SPMIP2: variants seen among roughly 807,000 people sequenced by gnomAD.
SPMIP2 encodes sperm microtubule inner protein 2.
At chr4:158,981,444 G>C in the SPMIP2 span, among the ~76,000 whole-genome samples, 1 of 152,032 alleles carries the variant, frequency 6.6e-6, no homozygotes, top group Admixed American at 6.6e-5. Context: ...AAATGTTAAG[G>C]GCAGCCAGAG....
chr4:159,051,935 C>CCCCT, the SPMIP2 span, among the ~76,000 whole-genome samples: 1 of 152,056 alleles, frequency 6.6e-6, no homozygotes, highest in African/African-American at 2.4e-5. Flanking sequence ...CAGGCATCTC[C>CCCCT]CCCTCCTTCC....
the SPMIP2 span, among the ~76,000 whole-genome samples, chr4:159,055,055 T>A: frequency 1.2e-4 from 19 of 152,206 alleles, no homozygotes; most frequent in Non-Finnish European, 2.6e-4. Context: ...AGACGTCCTT[T>A]AAAGCCATCA....
At chr4:158,975,991 G>A in the SPMIP2 span, among the ~76,000 whole-genome samples, 1 of 152,122 alleles carries the variant, frequency 6.6e-6, no homozygotes, top group African/African-American at 2.4e-5. Context: ...GTGGTTTGTA[G>A]TTCTCCTTGA....
the SPMIP2 span, among the ~76,000 whole-genome samples, chr4:159,056,196 C>T: frequency 6.6e-6 from 1 of 152,336 alleles, no homozygotes; most frequent in Admixed American, 6.5e-5. Context: ...TAGTCTTGGA[C>T]CCCTGACTTT....
At chr4:159,029,186 C>A in the SPMIP2 span, among the ~76,000 whole-genome samples, 1 of 152,170 alleles carries the variant, frequency 6.6e-6, no homozygotes, top group Non-Finnish European at 1.5e-5. Context: ...GGAAGAATAG[C>A]CAGCAGATAA....
chr4:159,000,556 G>A, the SPMIP2 span, among the ~76,000 whole-genome samples: 4 of 145,908 alleles, frequency 2.7e-5, no homozygotes, highest in African/African-American at 1.0e-4. Flanking sequence ...GTGCACTGGT[G>A]CAATCTCCGC....
At chr4:159,028,956 G>A in the SPMIP2 span, among the ~76,000 whole-genome samples, 4 of 152,168 alleles carry the variant, frequency 2.6e-5, no homozygotes, top group African/African-American at 7.2e-5. Context: ...TAAGCTGGGC[G>A]TGGTGGCGCA....
chr4:159,061,938 C>T, the SPMIP2 span, among the ~76,000 whole-genome samples: 8 of 152,034 alleles, frequency 5.3e-5, no homozygotes, highest in South Asian at 2.1e-4. Flanking sequence ...TGAGTGATAG[C>T]GTGAGCACCA....
the SPMIP2 span, among the ~76,000 whole-genome samples, chr4:159,036,488 G>A: frequency 6.6e-6 from 1 of 152,200 alleles, no homozygotes; most frequent in African/African-American, 2.4e-5. Flanking sequence ...TCAAGGCTGT[G>A]TTGAGCCCTT....
At chr4:159,024,783 A>G in the SPMIP2 span, among the ~76,000 whole-genome samples, 1 of 152,234 alleles carries the variant, frequency 6.6e-6, no homozygotes, top group Non-Finnish European at 1.5e-5. Context: ...CAGGTTTACA[A>G]GAAAATCCAA....
the SPMIP2 span, among the ~76,000 whole-genome samples, chr4:159,038,968 CTTAT>C: frequency 6.6e-6 from 1 of 152,038 alleles, no homozygotes; most frequent in Non-Finnish European, 1.5e-5. Flanking sequence ...GTTTTATAGT[CTTAT>C]TTATTTATTT....
At chr4:158,912,578 A>AT in the SPMIP2 span, among the ~76,000 whole-genome samples, 1 of 152,198 alleles carries the variant, frequency 6.6e-6, no homozygotes, top group Non-Finnish European at 1.5e-5. Flanking sequence ...ACTGGGGGCT[A>AT]TGTGTGAGGC....
the SPMIP2 span, among the ~76,000 whole-genome samples, chr4:159,070,183 G>A: frequency 6.6e-6 from 1 of 151,964 alleles, no homozygotes; most frequent in Non-Finnish European, 1.5e-5. Context: ...AAAACTGTAA[G>A]AGAAAAAATC....
the SPMIP2 span, among the ~76,000 whole-genome samples, chr4:158,954,358 TCTC>T: frequency 1 from 152,232 of 152,244 alleles, 76,110 homozygotes; most frequent in Middle Eastern, 1. Flanking sequence ...AGAAGTGCCT[TCTC>T]CTCCTCCCAC....
the SPMIP2 span, among the ~76,000 whole-genome samples, chr4:158,898,196 T>C: frequency 6.6e-6 from 1 of 152,202 alleles, no homozygotes. Context: ...CATTGGTCTG[T>C]ATATCTGTTT....
chr4:158,966,812 C>T, the SPMIP2 span, among the ~76,000 whole-genome samples: 4 of 151,936 alleles, frequency 2.6e-5, no homozygotes, highest in African/African-American at 9.7e-5. Flanking sequence ...TTCCTTTTTT[C>T]CCCTAAATTT....
the SPMIP2 span, among the ~76,000 whole-genome samples, chr4:159,063,741 A>G: frequency 1.3e-5 from 2 of 152,124 alleles, no homozygotes; most frequent in Non-Finnish European, 2.9e-5. Context: ...ATTTATCACT[A>G]TATATTATTA....
the SPMIP2 span, among the ~76,000 whole-genome samples, chr4:158,917,443 T>C: frequency 6.6e-6 from 1 of 151,678 alleles, no homozygotes; most frequent in Admixed American, 6.6e-5. Context: ...CCAACCTCAG[T>C]TGATCCTTCT....
At chr4:158,904,444 C>A in the SPMIP2 span, 1 of 1,586,440 alleles carries the variant, frequency 6.3e-7, no homozygotes. Context: ...AAGTAATATT[C>A]TTTTCTTTTC....
Sources: allele counts gnomAD v4.1 joint callset (sites outside exome capture counted in the v4.1 genomes callset), GRCh38; gene constraint gnomAD v4.1.1; transcripts MANE v1.5; gene names NCBI Gene and HGNC (gene_info 2026-07-23, HGNC 2026-07-21).